GMDS: variants seen among roughly 807,000 people sequenced by gnomAD.
The protein encoded by GMDS is GDP-mannose 4,6-dehydratase.
In GMDS, 20 loss-of-function variants were observed where a neutral mutation model predicts 49.9. The observed-to-expected ratio is 0.40, with a 90% CI of 0.28 to 0.58. The LOEUF (loss-of-function observed/expected upper bound fraction) is 0.58. Among genes scored for constraint, GMDS ranks in the 20% least tolerant of loss-of-function variants. The pLI, the probability that GMDS is intolerant of heterozygous loss-of-function variation, is 0.42. For synonymous variants in GMDS, 177 were observed against 178.6 expected, an observed-to-expected ratio of 0.99 and a Z score of 0.07; for missense variants, 362 against 481.4, an observed-to-expected ratio of 0.75 and a Z score of 2.32.
rs78877217 is a variant in GMDS at position 1,660,743 on chromosome 6, C to T, written c.988-36203G>A. 8.3e-3 allele frequency among the ~76,000 whole-genome samples: 1,204 copies of T among 144,546 alleles called. 17 individuals carry two copies. Among genetic ancestry groups the T allele is most frequent in the African/African-American group, 0.03 (1,170 of 39,010 alleles). The allele number at this position is 144,546 out of a possible 152,430, so 94.8% of individuals were successfully genotyped here. A position where few individuals can be genotyped will look rare whatever the true frequency, so the allele number is the denominator to read the frequency against. ...ATTATTAGTATCTAGTATCTGAATT[C>T]AACCTACTGATTTAGTTTGTGAAGT... is the stretch of plus-strand genomic sequence containing the variant. On this transcript the variant is annotated intron_variant, in intron 9 of 10. Coordinates refer to ENST00000380815, the MANE Select transcript of GMDS (RefSeq NM_001500.4).
intron 9 of GMDS, 53 bp downstream of exon 9, chr6:1,726,363 C>T (rs986971970): frequency 2.4e-6 from 3 of 1,233,446 alleles, no homozygotes; most frequent in Non-Finnish European, 3.6e-6. Context: ...AGCGCATTTG[C>T]CCAGCCAGCC....
intron 6 of GMDS, among the ~76,000 whole-genome samples, chr6:1,948,221 G>A (rs1478955425): frequency 2.0e-5 from 3 of 152,078 alleles, no homozygotes; most frequent in Non-Finnish European, 2.9e-5. Context: ...ATATCCTTAC[G>A]TGAACCACTT....
chr6:2,017,193 G>C (rs1010058723), intron 4 of GMDS, among the ~76,000 whole-genome samples: 2 of 152,072 alleles, frequency 1.3e-5, no homozygotes, highest in Non-Finnish European at 2.9e-5. Flanking sequence ...GTGGAGGAGA[G>C]GAGCGTGGAC....
intron 7 of GMDS, among the ~76,000 whole-genome samples, chr6:1,859,653 G>A (rs1020003909): frequency 8.5e-5 from 13 of 152,152 alleles, no homozygotes; most frequent in African/African-American, 3.1e-4. Context: ...AAGTGCTGAG[G>A]AGCCTCTGGA....
chr6:1,787,262 G>A (rs868182527), intron 7 of GMDS, among the ~76,000 whole-genome samples: 2 of 152,136 alleles, frequency 1.3e-5, no homozygotes, highest in Non-Finnish European at 2.9e-5. Flanking sequence ...AAAAATGAGC[G>A]AGACATAAAA....
intron 7 of GMDS, among the ~76,000 whole-genome samples, chr6:1,775,715 A>G (rs562454183): frequency 1.4e-4 from 21 of 152,318 alleles, no homozygotes; most frequent in African/African-American, 4.1e-4. Context: ...AAATGCAATG[A>G]AAGTTTTTTG....
At chr6:2,022,997 C>G (rs1032626740) in intron 4 of GMDS, among the ~76,000 whole-genome samples, 1 of 152,060 alleles carries the variant, frequency 6.6e-6, no homozygotes, top group African/African-American at 2.4e-5. Flanking sequence ...TAATTTATTT[C>G]ATTAAATACA....
rs34490393 is a variant in GMDS, at chr6:1,880,284, CAAAAAA to C, written c.771+49813_771+49818del. ...ACAATGAAACGAGACCTCATTTCCA[CAAAAAA>C]AAAAAAAAAAAAAAAAAAATCACCA... On this transcript the variant is annotated intron_variant, in intron 7 of 10. Coordinates refer to ENST00000380815, the MANE Select transcript of GMDS (RefSeq NM_001500.4). Among the ~76,000 whole-genome samples, 383 of 59,162 alleles carry C rather than the reference CAAAAAA, an allele frequency of 6.5e-3. 2 individuals carry two copies. The highest frequency in any genetic ancestry group is 0.035 in the South Asian group (47 of 1,352). The allele number at this position is 59,162 out of a possible 152,430, so 38.8% of individuals were successfully genotyped here.
chr6:1,993,052 C>T (rs1457839093), intron 4 of GMDS, among the ~76,000 whole-genome samples: 1 of 152,102 alleles, frequency 6.6e-6, no homozygotes, highest in East Asian at 1.9e-4. Context: ...GTAGATCGTC[C>T]AGCTGCTTTT....
chr6:1,739,142 T>C (rs1220475735), intron 8 of GMDS, among the ~76,000 whole-genome samples: 1 of 152,200 alleles, frequency 6.6e-6, no homozygotes, highest in Non-Finnish European at 1.5e-5. Context: ...ATCACAAAGT[T>C]TTTTTTGACA....
chr6:1,890,981 T>C (rs1400369863), intron 7 of GMDS, among the ~76,000 whole-genome samples: 1 of 152,238 alleles, frequency 6.6e-6, no homozygotes, highest in Admixed American at 6.5e-5. Flanking sequence ...CTGATTTGTC[T>C]GGGTACCATT....
At chr6:2,232,221 A>G (rs1781141848) in intron 1 of GMDS, among the ~76,000 whole-genome samples, 2 of 152,170 alleles carry the variant, frequency 1.3e-5, no homozygotes, top group Admixed American at 6.5e-5. Context: ...TTACTTTCAA[A>G]ATAACCTAGC....
chr6:2,060,508 A>T (rs1771083435), intron 4 of GMDS, among the ~76,000 whole-genome samples: 1 of 152,176 alleles, frequency 6.6e-6, no homozygotes, highest in African/African-American at 2.4e-5. Flanking sequence ...TTGAGACACC[A>T]TTCTAGCTTA....
At chr6:1,877,204 G>A (rs111724717) in intron 7 of GMDS, among the ~76,000 whole-genome samples, 134 of 152,164 alleles carry the variant, frequency 8.8e-4, no homozygotes, top group Admixed American at 1.5e-3. Context: ...CAGATGTTCA[G>A]TTGAACCACT....
intron 9 of GMDS, among the ~76,000 whole-genome samples, chr6:1,668,665 C>T (rs1363360396): frequency 6.6e-6 from 1 of 151,970 alleles, no homozygotes; most frequent in African/African-American, 2.4e-5. Context: ...TGAGACCGCA[C>T]TACTGCACTC....
intron 4 of GMDS, among the ~76,000 whole-genome samples, chr6:2,027,677 C>T (rs949949607): frequency 3.3e-5 from 5 of 152,024 alleles, no homozygotes; most frequent in Non-Finnish European, 5.9e-5. Flanking sequence ...GAGTACAAGA[C>T]AGTTATTAGA....
chr6:1,883,863 G>A (rs539192069), intron 7 of GMDS, among the ~76,000 whole-genome samples: 2 of 151,920 alleles, frequency 1.3e-5, no homozygotes, highest in African/African-American at 4.8e-5. Context: ...CCAAATAAAG[G>A]GCATAAACTC....
rs1186388501 is a variant in GMDS, at chr6:2,172,692, CA to C, written c.103-47962del. 1.5e-4 allele frequency among the ~76,000 whole-genome samples: 21 copies of C among 142,078 alleles called. 1 individual carries two copies. The highest frequency in any genetic ancestry group is 1.4e-3 in the Admixed American group (20 of 14,222). 93.2% of individuals were successfully genotyped at this position (142,078 alleles called of 152,430 possible). ...GGGCGACACAGTGAGGCTCCATCTC[CA>C]AAAAAAAAACAGAATTGATATGACA... On this transcript the variant is annotated intron_variant, in intron 1 of 10. Transcript: ENST00000380815.
chr6:1,703,595 T>C (rs967190130), intron 9 of GMDS, among the ~76,000 whole-genome samples: 1 of 152,212 alleles, frequency 6.6e-6, no homozygotes, highest in Non-Finnish European at 1.5e-5. Context: ...AATAAAGCTG[T>C]GGGGCAGCAC....
Sources: allele counts gnomAD v4.1 joint callset (sites outside exome capture counted in the v4.1 genomes callset), GRCh38; gene constraint gnomAD v4.1.1; transcripts MANE v1.5; gene names NCBI Gene and HGNC (gene_info 2026-07-23, HGNC 2026-07-21).